The following LETMD1 variants were observed in gnomAD, a reference collection of about 807,000 sequenced individuals.
The protein encoded by LETMD1 is LETM1 domain containing 1.
In LETMD1, 30 loss-of-function variants were observed where a neutral mutation model predicts 43.9. The ratio of observed to expected loss-of-function variants is 0.68; its 90% confidence interval spans 0.51 to 0.93. LETMD1 has a LOEUF of 0.93. Among genes scored for constraint, LETMD1 ranks in the 40% least tolerant of loss-of-function variants. LETMD1 has a pLI of 0.00. For missense variants in LETMD1, 413 were observed against 447.7 expected, an observed-to-expected ratio of 0.92 and a Z score of 0.70; for synonymous variants, 176 against 163.1, an observed-to-expected ratio of 1.08 and a Z score of -0.60.
intron 5 of LETMD1, 45 bp from the exon 6 acceptor site, chr12:51,056,099 A>G (rs1238691748): frequency 2.5e-6 from 4 of 1,601,470 alleles, no homozygotes; most frequent in East Asian, 2.2e-5. Flanking sequence ...TAAGAGGAGT[A>G]GTCAGGACTT....
the LETMD1 span, among the ~76,000 whole-genome samples, chr12:51,066,018 C>T: frequency 6.6e-6 from 1 of 152,150 alleles, no homozygotes; most frequent in Non-Finnish European, 1.5e-5. Context: ...AAACTGTCCC[C>T]CATCAGAGGG....
At chr12:51,053,666 G>A (rs565555197) in intron 3 of LETMD1, 112 bp from the exon 4 acceptor site, 10 of 701,152 alleles carry the variant, frequency 1.4e-5, no homozygotes, top group East Asian at 7.9e-5. Flanking sequence ...AAGAAATTTG[G>A]TCCTTTTTCT....
At chr12:51,059,171 G>A (rs1211690782) in intron 8 of LETMD1, 190 bp from the exon 9 acceptor site, 6 of 574,676 alleles carry the variant, frequency 1.0e-5, no homozygotes, top group Middle Eastern at 4.6e-4. Context: ...GAGTTGATAC[G>A]AATATATAGT....
At chr12:51,062,340 TGAG>T (rs957350972), downstream of LETMD1, 7 of 152,158 alleles carry the variant, frequency 4.6e-5, no homozygotes, top group African/African-American at 1.7e-4. Flanking sequence ...AAAGGATGCT[TGAG>T]AAGAATAGTT....
intron 1 of LETMD1, 42 bp downstream of exon 1, chr12:51,048,520 CTCTT>C (rs1944988958): frequency 6.2e-7 from 1 of 1,605,698 alleles, no homozygotes; most frequent in Non-Finnish European, 8.5e-7. Flanking sequence ...GACGTCCAGG[CTCTT>C]TCAGTGTCTC....
chr12:51,067,912 C>A, the LETMD1 span: 1 of 1,614,180 alleles, frequency 6.2e-7, no homozygotes, highest in Non-Finnish European at 8.5e-7. This position sits in a 1 kb window ranked among gnomAD's most constrained non-coding sequence, Gnocchi z 4.1. Context: ...TCATCTGACA[C>A]ATCATCCAGC....
At position 51,050,280 on chromosome 12, in the gene LETMD1, T is replaced by C. The variant is rs1174043459; in HGVS notation, c.274+1095T>C. Among the ~76,000 whole-genome samples, 5 of 151,112 alleles carry C rather than the reference T, an allele frequency of 3.3e-5. No individual in the cohort carries two copies. In the Admixed American group the frequency reaches 3.3e-4, roughly 10 times the overall value. ...CCGTGTCGCCCAGGCTGGAGTGCAA[T>C]GGCATGATCTCGGTTCACTGCAACC... On this transcript the variant is annotated intron_variant, in intron 2 of 8. Coordinates refer to ENST00000262055, the MANE Select transcript of LETMD1 (RefSeq NM_015416.5).
At chr12:51,064,249 C>CT, downstream of LETMD1, 1 of 1,613,106 alleles carries the variant, frequency 6.2e-7, no homozygotes, top group East Asian at 2.2e-5. Flanking sequence ...AGAATGGGGG[C>CT]TGTAAGGCCT....
rs760579508 is a variant in LETMD1, at chr12:51,056,434, A to G, written c.847A>G (p.Ile283Val). Reference protein sequence around the residue: ...RHRLKTHTTVIHQLDKALAKL... With the variant: ...RHRLKTHTTVVHQLDKALAKL... ...TCGTTTGAAGACTCATACAACTGTG[A>G]TTCACCAACTGGACAAGGCTTTGGC... Residue 283 changes from isoleucine to valine, a missense_variant, in exon 7 of 9, where the codon ATT becomes GTT. Coordinates refer to ENST00000262055, the MANE Select transcript of LETMD1 (RefSeq NM_015416.5). 6.2e-7 allele frequency: 1 copy of G among 1,614,126 alleles called. No individual in the cohort carries two copies. Among genetic ancestry groups the G allele is most frequent in the Admixed American group, 1.7e-5 (1 of 60,012 alleles).
At chr12:51,050,368 G>A (rs1197621838) in intron 2 of LETMD1, among the ~76,000 whole-genome samples, 3 of 151,624 alleles carry the variant, frequency 2.0e-5, no homozygotes, top group East Asian at 2.0e-4. Context: ...GAATACAGGC[G>A]CCTGCCACCA....
intron 7 of LETMD1, chr12:51,056,743 C>T (rs1947852392): frequency 6.1e-6 from 2 of 327,392 alleles, no homozygotes; most frequent in South Asian, 7.8e-5. Context: ...CAACCTCTGC[C>T]TCCCGGTTCA....
At chr12:51,062,792 CA>C (rs1042291532), downstream of LETMD1, 1 of 152,348 alleles carries the variant, frequency 6.6e-6, no homozygotes, top group African/African-American at 2.4e-5. Context: ...TCAGATCTCA[CA>C]AAGAGGGAAA....
chr12:51,060,095 C>T lies in LETMD1; in HGVS notation c.*664C>T, dbSNP rs1948719030. ...AAGTACAAGTGCTTCTTGACCCCTTCCTCAATGTTTCTAGCCTTCACTCTC... is the reference window on the plus strand; with the variant it reads ...AAGTACAAGTGCTTCTTGACCCCTTTCTCAATGTTTCTAGCCTTCACTCTC... On this transcript the variant is annotated 3_prime_UTR_variant, in exon 9 of 9. Transcript: ENST00000262055. 1 of 152,838 alleles carries T rather than the reference C, an allele frequency of 6.5e-6. No homozygotes were observed. 9.5% of individuals were successfully genotyped at this position (152,838 alleles called of 1,614,324 possible).
chr12:51,059,912 G>GCAA lies in LETMD1; in HGVS notation c.*481_*482insCAA, dbSNP rs1948697810. 1 of 157,552 alleles carries GCAA rather than the reference G, an allele frequency of 6.3e-6. No individual in the cohort carries two copies. The highest frequency in any genetic ancestry group is 6.2e-5 in the Admixed American group (1 of 16,166). 9.8% of individuals were successfully genotyped at this position (157,552 alleles called of 1,614,324 possible). ...GCACATGTGTCCGTGCATGTACTTG[G>GCAA]GTGTTTCCCTCCATCCTTTCTGATA... On this transcript the variant is annotated 3_prime_UTR_variant, in exon 9 of 9. Coordinates refer to ENST00000262055, the MANE Select transcript of LETMD1 (RefSeq NM_015416.5).
chr12:51,067,249 C>T, the LETMD1 span, among the ~76,000 whole-genome samples: 1 of 151,326 alleles, frequency 6.6e-6, no homozygotes, highest in Non-Finnish European at 1.5e-5. This position sits in a 1 kb window ranked among gnomAD's most constrained non-coding sequence, Gnocchi z 4.1. Flanking sequence ...CCTCTTCATC[C>T]CTTTCCTAAC....
chr12:51,048,393 G>A lies in LETMD1; in HGVS notation c.37G>A (p.Val13Met), dbSNP rs1402385011. Residue 13 changes from valine to methionine, a missense_variant, in exon 1 of 9, where the codon GTG becomes ATG. Val to Met is a conservative substitution (Grantham distance 21, BLOSUM62 1). Coordinates refer to ENST00000262055, the MANE Select transcript of LETMD1 (RefSeq NM_015416.5). ...LSRVCWARSA[V>M]WGSAVTPGHF... ...CAGGGTGTGCTGGGCTCGGTCGGCT[G>A]TGTGGGGCTCGGCAGTCACCCCTGG... is the stretch of plus-strand genomic sequence containing the variant. The A allele has an allele frequency of 1.9e-6, 3 of 1,614,134 alleles. No individual in the cohort carries two copies. Among genetic ancestry groups the A allele is most frequent in the Non-Finnish European group, 2.5e-6 (3 of 1,180,028 alleles).
downstream of LETMD1, chr12:51,063,547 G>T: frequency 6.9e-6 from 3 of 432,642 alleles, no homozygotes; most frequent in Non-Finnish European, 1.2e-5. Context: ...ACTATCCCCA[G>T]ATCAAGGTAG....
chr12:51,048,813 C>G, intron 1 of LETMD1: 1 of 600,286 alleles, frequency 1.7e-6, no homozygotes. Context: ...TGCGCTCTCT[C>G]CAGAGGCATA....
Position 51,049,182 on chromosome 12 carries a change from A to G in LETMD1, c.271A>G (p.Lys91Glu). Reference protein sequence around the residue: ...RFYVLYTIFMKGLQMLWADAK... With the variant: ...RFYVLYTIFMEGLQMLWADAK... ...CTATGTCCTGTACACAATCTTCATG[A>G]AAGGTAAAAACGAAACTACAATAGA... The change falls in exon 2 of 9, where the codon AAA (lysine) becomes GAA (glutamate). Residue 91 changes from lysine to glutamate, a missense_variant. By Grantham distance (56) the Lys-to-Glu change is moderately conservative (BLOSUM62 1). Coordinates refer to ENST00000262055, the MANE Select transcript of LETMD1 (RefSeq NM_015416.5). The G allele has an allele frequency of 6.2e-7, 1 of 1,609,678 alleles. No homozygotes were observed.
Sources: gnomAD v4.1 joint callset for allele counts (sites outside exome capture counted in the v4.1 genomes callset) on GRCh38, gnomAD v4.1.1 for gene constraint, Gnocchi (gnomAD v3.1) non-coding constraint, MANE v1.5 for transcripts, NCBI Gene and HGNC (gene_info 2026-07-23, HGNC 2026-07-21) for gene names.